The following CNBD1 variants were observed in gnomAD, a reference collection of about 807,000 sequenced individuals.
CNBD1 encodes cyclic nucleotide binding domain containing 1, also known as cyclic nucleotide-binding domain-containing protein 1.
A neutral mutation model predicts 54.4 loss-of-function variants in CNBD1; 71 were observed. That is an observed-to-expected ratio of 1.30 (90% confidence interval 1.08 to 1.59). The LOEUF (loss-of-function observed/expected upper bound fraction) is 1.59. CNBD1 is among the 40% of genes most tolerant of loss of function. The pLI is 0.00. For missense variants in CNBD1, 659 were observed against 518.0 expected (o/e 1.27, Z -2.64); for synonymous variants, 182 against 170.7 (o/e 1.07, Z -0.51).
chr8:87,233,920 C>A (rs1807517514), intron 5 of CNBD1, among the ~76,000 whole-genome samples: 1 of 152,030 alleles, frequency 6.6e-6, no homozygotes, highest in Non-Finnish European at 1.5e-5. Context: ...TCTCTCAAAC[C>A]CTGCCAACTG....
At chr8:87,388,655 C>T (rs1351287129) in intron 2 of CNBD1, among the ~76,000 whole-genome samples, 1 of 152,058 alleles carries the variant, frequency 6.6e-6, no homozygotes, top group South Asian at 2.1e-4. Context: ...AATTCACAGC[C>T]GAATTCTACC....
rs78348762 is a variant in CNBD1 at position 87,115,821 on chromosome 8, C to T, written c.432-90172C>T. ...ACTGCATAAGCCCTCTGGAAGCTAC[C>T]TCTTCCCAAGTCTCCATATTCACAC... is the stretch of plus-strand genomic sequence containing the variant. On this transcript the variant is annotated intron_variant, in intron 4 of 10. Coordinates refer to ENST00000518476, the MANE Select transcript of CNBD1 (RefSeq NM_173538.3). 5.8e-3 allele frequency among the ~76,000 whole-genome samples: 890 copies of T among 152,298 alleles called. 17 individuals carry two copies. The highest frequency in any genetic ancestry group is 0.058 in the East Asian group (300 of 5,174).
chr8:87,203,129 A>T lies in CNBD1; in HGVS notation c.432-2864A>T, dbSNP rs183289609. Among the ~76,000 whole-genome samples the T allele has an allele frequency of 2.0e-4, 31 of 152,298 alleles. No homozygotes were observed. In the South Asian group the frequency reaches 3.9e-3, roughly 19 times the overall value. Reference sequence around the variant, plus strand: ...GTGCATGAGTTTTTCTATTCGTTGAATGGGAATACGCTTGGTAAAGGAAGT... The same window carrying T: ...GTGCATGAGTTTTTCTATTCGTTGATTGGGAATACGCTTGGTAAAGGAAGT... On this transcript the variant is annotated intron_variant, in intron 4 of 10. Transcript: ENST00000518476.
At chr8:87,263,177 A>T (rs1808176390) in intron 6 of CNBD1, among the ~76,000 whole-genome samples, 1 of 152,138 alleles carries the variant, frequency 6.6e-6, no homozygotes, top group South Asian at 2.1e-4. Context: ...AATTAAAAAT[A>T]ATGTTTATAT....
At chr8:87,051,132 G>T (rs1810302451) in intron 4 of CNBD1, among the ~76,000 whole-genome samples, 1 of 152,158 alleles carries the variant, frequency 6.6e-6, no homozygotes, top group Non-Finnish European at 1.5e-5. Context: ...AATTAAAAAG[G>T]CATGGATAAA....
At chr8:87,201,364 G>C (rs570560995) in intron 4 of CNBD1, among the ~76,000 whole-genome samples, 1 of 152,244 alleles carries the variant, frequency 6.6e-6, no homozygotes, top group South Asian at 2.1e-4. Context: ...TAACATTATA[G>C]TGAATGTTCT....
intron 10 of CNBD1, among the ~76,000 whole-genome samples, chr8:87,374,362 T>A (rs1795330850): frequency 1.3e-5 from 2 of 151,838 alleles, no homozygotes; most frequent in Non-Finnish European, 2.9e-5. Context: ...TCCTAAGAAA[T>A]TTGATAAAAT....
chr8:86,973,562 C>G (rs1808271964), intron 4 of CNBD1, among the ~76,000 whole-genome samples: 1 of 152,134 alleles, frequency 6.6e-6, no homozygotes, highest in Non-Finnish European at 1.5e-5. Flanking sequence ...TAGGAGTTAG[C>G]TCATACAATT....
intron 2 of CNBD1, among the ~76,000 whole-genome samples, chr8:87,426,894 A>C (rs984872933): frequency 7.9e-5 from 12 of 152,204 alleles, no homozygotes; most frequent in Non-Finnish European, 1.5e-4. Context: ...TAATATAAAC[A>C]AATTTATAGG....
intron 6 of CNBD1, among the ~76,000 whole-genome samples, chr8:87,283,694 C>T (rs1253021095): frequency 1.3e-5 from 2 of 152,080 alleles, no homozygotes; most frequent in African/African-American, 4.8e-5. Flanking sequence ...TGTAGTTCTT[C>T]CTGTCCCCAC....
At chr8:87,271,405 A>G (rs1429569105) in intron 6 of CNBD1, among the ~76,000 whole-genome samples, 1 of 151,738 alleles carries the variant, frequency 6.6e-6, no homozygotes, top group East Asian at 1.9e-4. Context: ...ATCTCTTAAT[A>G]CTGCTTTTTC....
At chr8:87,194,326 G>A (rs935341152) in intron 4 of CNBD1, among the ~76,000 whole-genome samples, 1 of 152,190 alleles carries the variant, frequency 6.6e-6, no homozygotes, top group East Asian at 1.9e-4. Flanking sequence ...GTTTAAGAAG[G>A]CAGTGAGTTT....
chr8:87,110,067 C>CT (rs1182552082), intron 4 of CNBD1, among the ~76,000 whole-genome samples: 1 of 152,180 alleles, frequency 6.6e-6, no homozygotes, highest in Non-Finnish European at 1.5e-5. Context: ...GGCTACTTTT[C>CT]TTCCCACACA....
chr8:87,088,602 A>G (rs963390158), intron 4 of CNBD1, among the ~76,000 whole-genome samples: 3 of 152,160 alleles, frequency 2.0e-5, no homozygotes, highest in Non-Finnish European at 4.4e-5. Flanking sequence ...TAATTATAGT[A>G]ATAGTAGCTA....
At chr8:87,228,254 C>G (rs1814558445) in intron 5 of CNBD1, among the ~76,000 whole-genome samples, 1 of 151,446 alleles carries the variant, frequency 6.6e-6, no homozygotes, top group Non-Finnish European at 1.5e-5. Context: ...CAAAGTCCTT[C>G]TCCGTCCAGC....
intron 6 of CNBD1, among the ~76,000 whole-genome samples, chr8:87,248,956 C>T (rs1226840303): frequency 6.6e-6 from 1 of 152,100 alleles, no homozygotes; most frequent in Admixed American, 6.6e-5. Context: ...AAGCCTGCCA[C>T]CAGATGCAAC....
intron 4 of CNBD1, among the ~76,000 whole-genome samples, chr8:87,031,726 C>T (rs758613303): frequency 4.6e-5 from 7 of 151,984 alleles, no homozygotes; most frequent in Non-Finnish European, 8.8e-5. Context: ...TCACTAAACC[C>T]TTCCTTTACG....
chr8:86,963,622 T>A (rs1021519484), intron 4 of CNBD1, among the ~76,000 whole-genome samples: 2 of 152,134 alleles, frequency 1.3e-5, no homozygotes, highest in Non-Finnish European at 2.9e-5. Context: ...TCCCAGTAAC[T>A]GGGGACCTGG....
intron 6 of CNBD1, among the ~76,000 whole-genome samples, chr8:87,265,635 A>G (rs952738904): frequency 2.6e-5 from 4 of 152,154 alleles, no homozygotes; most frequent in Non-Finnish European, 4.4e-5. Context: ...GGCAGTTTCA[A>G]TCTTTGAGCT....
Sources: gnomAD v4.1 joint callset for allele counts (sites outside exome capture counted in the v4.1 genomes callset) on GRCh38, gnomAD v4.1.1 for gene constraint, MANE v1.5 for transcripts, NCBI Gene and HGNC (gene_info 2026-07-23, HGNC 2026-07-21) for gene names.